KIF1A: variants seen among roughly 807,000 people sequenced by gnomAD.
KIF1A encodes kinesin family member 1A.
Under a neutral mutation model 227.3 loss-of-function variants are expected in KIF1A, and 46 were observed. The observed-to-expected ratio is 0.20, with a 90% confidence interval of 0.16 to 0.26. The LOEUF (loss-of-function observed/expected upper bound fraction) is 0.26, where lower values mean the gene tolerates loss of function less well. Ranked by LOEUF, KIF1A falls within the 10% of genes least tolerant of loss-of-function variation. KIF1A has a pLI of 1.00. For synonymous variants in KIF1A, 1,022 were observed against 1,012.8 expected (o/e 1.01, Z -0.17); for missense variants, 1,683 against 2,485.9 (o/e 0.68, Z 6.87).
At chr2:240,729,986 T>TA (rs1237760848) in intron 38 of KIF1A, among the ~76,000 whole-genome samples, 1 of 152,204 alleles carries the variant, frequency 6.6e-6, no homozygotes, top group Non-Finnish European at 1.5e-5. Context: ...AGGGGAGCTG[T>TA]ACCCTAAATG....
upstream of KIF1A, among the ~76,000 whole-genome samples, chr2:240,820,730 C>G (rs2058661304): frequency 6.6e-6 from 1 of 151,872 alleles, no homozygotes. The surrounding 1 kb of genome is among the most constrained non-coding windows in gnomAD (Gnocchi z 6.2). Context: ...CCGGGTGTAA[C>G]AGGTGCGCGG....
Position 240,726,066 on chromosome 2 carries a change from T to C in KIF1A, c.4123-662A>G, listed in dbSNP as rs559227780. On this transcript the variant is annotated intron_variant, in intron 39 of 48. Coordinates refer to ENST00000498729, the MANE Select transcript of KIF1A (RefSeq NM_001244008.2). The surrounding 1 kb of genome is among the most constrained non-coding windows in gnomAD (Gnocchi z 5.2). The stretch of plus-strand genomic sequence containing the variant: ...CCTGCCCACTGCTCCCCACCCTCCC[T>C]CTCCCTCACTACTATGACCAGCAAG... 6.7e-6 allele frequency: 1 copy of C among 149,022 alleles called. No homozygotes were observed. Among genetic ancestry groups the C allele is most frequent in the East Asian group, 2.0e-4 (1 of 4,920 alleles). 9.2% of individuals were successfully genotyped at this position (149,022 alleles called of 1,614,324 possible).
chr2:240,736,358 T>C lies in KIF1A; in HGVS notation c.4007+705A>G, dbSNP rs1053769067. On this transcript the variant is annotated intron_variant, in intron 38 of 48. Transcript: ENST00000498729. This position sits in a 1 kb window ranked among gnomAD's most constrained non-coding sequence, Gnocchi z 4.7. The stretch of plus-strand genomic sequence containing the variant: ...CCCCGCCTCACTTTCCCCAAGCCCC[T>C]GGAAGGCAGCGTCTGGGACGCAGTG... Among the ~76,000 whole-genome samples the C allele has an allele frequency of 5.9e-5, 9 of 151,888 alleles. No homozygotes were observed. The highest frequency in any genetic ancestry group is 1.0e-4 in the Non-Finnish European group (7 of 67,972).
rs566562159 is a variant in KIF1A, at chr2:240,808,965, C to T, written c.-60-11153G>A. Among the ~76,000 whole-genome samples the T allele has an allele frequency of 2.6e-5, 4 of 151,930 alleles. No homozygotes were observed. In the South Asian group the frequency reaches 6.2e-4, roughly 24 times the overall value. The stretch of plus-strand genomic sequence containing the variant: ...CAGGCTGGTCTTGAACTCCTGACCT[C>T]GTGATCTGCCCGCCTCAGCCTCCCA... On this transcript the variant is annotated intron_variant, in intron 1 of 48. Transcript: ENST00000498729.
chr2:240,725,388 T>G lies in KIF1A; in HGVS notation c.4139A>C (p.Gln1380Pro). The G allele has an allele frequency of 6.2e-7, 1 of 1,612,368 alleles. No homozygotes were observed. The highest frequency in any genetic ancestry group is 8.5e-7 in the Non-Finnish European group (1 of 1,179,718). ...SAYIEMENCT[Q>P]PAVVTKDFCM... ...GAAGTCCTTGGTGACAACAGCCGGC[T>G]GGGTGCAGTTCTCCATCTGAGATAG... The change falls in exon 40 of 49, where the codon CAG becomes CCG. Residue 1380 changes from glutamine to proline, a missense_variant. Physicochemically the swap from Gln to Pro is moderately conservative, Grantham distance 76. This residue lies in a region of KIF1A where 759 missense variants were observed against 1,020.2 expected (regional missense o/e 0.74). Coordinates refer to ENST00000498729, the MANE Select transcript of KIF1A (RefSeq NM_001244008.2). The surrounding 1 kb of genome is among the most constrained non-coding windows in gnomAD (Gnocchi z 5.8).
In KIF1A at chr2:240,737,060, C is replaced by T; in HGVS notation, c.4007+3G>A. 3 of 1,610,048 alleles carry T rather than the reference C, an allele frequency of 1.9e-6. No individual in the cohort carries two copies. The highest frequency in any genetic ancestry group is 1.1e-5 in the South Asian group (1 of 91,000). ...CCCTGTCTCCAGGGAGTCTCCGACT[C>T]ACCGGTCATCTTGGGCTGGGTGGAT... is the stretch of plus-strand genomic sequence containing the variant. On this transcript the variant is annotated splice_donor_region_variant and intron_variant, in intron 38 of 48. Coordinates refer to ENST00000498729, the MANE Select transcript of KIF1A (RefSeq NM_001244008.2).
chr2:240,766,728 C>T lies in KIF1A; in HGVS notation c.1684+187G>A, dbSNP rs1386809449. Among the ~76,000 whole-genome samples the T allele has an allele frequency of 5.0e-5, 6 of 119,858 alleles. No individual in the cohort carries two copies. Among genetic ancestry groups the T allele is most frequent in the African/African-American group, 2.6e-4 (6 of 22,992 alleles). The allele number at this position is 119,858 out of a possible 152,430, so 78.6% of individuals were successfully genotyped here. On this transcript the variant is annotated intron_variant, in intron 19 of 48. Coordinates refer to ENST00000498729, the MANE Select transcript of KIF1A (RefSeq NM_001244008.2). The surrounding 1 kb of genome is among the most constrained non-coding windows in gnomAD (Gnocchi z 5.0). ...TATCTCTCTCTCTCTCCAAATCTCTCTCTCTCTCTCTCTCTCTCTCTCACA... is the reference window on the plus strand; with the variant it reads ...TATCTCTCTCTCTCTCCAAATCTCTTTCTCTCTCTCTCTCTCTCTCTCACA...
At position 240,766,924 on chromosome 2, in the gene KIF1A, C is replaced by T; in HGVS notation, c.1675G>A (p.Gly559Ser). 6.2e-7 allele frequency: 1 copy of T among 1,609,110 alleles called. No homozygotes were observed. The highest frequency in any genetic ancestry group is 1.7e-4 in the Middle Eastern group (1 of 6,054). Residue 559 changes from glycine to serine, a missense_variant, in exon 19 of 49, where the codon GGC (glycine) becomes AGC (serine). Transcript: ENST00000498729. The surrounding 1 kb of genome is among the most constrained non-coding windows in gnomAD (Gnocchi z 5.0). ...HCVFRSDSRGGSEAVVTLEPC... is the reference protein window; with the variant it reads ...HCVFRSDSRGSSEAVVTLEPC... ...GGTAGGGTGGTGATACCTTCGCTGCCTCCCCTGGAGTCGCTCCGGAAGACG... is the reference window on the plus strand; with the variant it reads ...GGTAGGGTGGTGATACCTTCGCTGCTTCCCCTGGAGTCGCTCCGGAAGACG...
At chr2:240,820,831 G>C (rs2058665310), upstream of KIF1A, among the ~76,000 whole-genome samples, 1 of 152,146 alleles carries the variant, frequency 6.6e-6, no homozygotes. The surrounding 1 kb of genome is among the most constrained non-coding windows in gnomAD (Gnocchi z 6.2). Context: ...CCCGCCCGCG[G>C]ACCCGCCGCC....
chr2:240,807,130 G>GTGTATATATA (rs1356399506), intron 1 of KIF1A, among the ~76,000 whole-genome samples: 1 of 119,492 alleles, frequency 8.4e-6, no homozygotes, highest in East Asian at 2.3e-4. Flanking sequence ...GTGTGTGTGT[G>GTGTATATATA]TATATATATA....
At chr2:240,721,667 G>T in intron 44 of KIF1A, 140 bp downstream of exon 44, 2 of 714,278 alleles carry the variant, frequency 2.8e-6, no homozygotes, top group Admixed American at 2.4e-5. Flanking sequence ...TAGGTATGAG[G>T]TGTCCCTCTG....
At chr2:240,764,009 G>A (rs978814679) in intron 20 of KIF1A, among the ~76,000 whole-genome samples, 17 of 152,200 alleles carry the variant, frequency 1.1e-4, no homozygotes, top group African/African-American at 3.9e-4. Flanking sequence ...CATCTGCAGG[G>A]CCCTCCAGGG....
chr2:240,722,574 G>A lies in KIF1A; in HGVS notation c.4547C>T (p.Ala1516Val), dbSNP rs763118603. ...QRPVPEALSP[A>V]FSEDSESHGS... Reference sequence around the variant, plus strand: ...ATGGGACTCAGAGTCCTCGCTGAAGGCCGGGGACAGTGCCTCCGGGACAGG... The same window carrying A: ...ATGGGACTCAGAGTCCTCGCTGAAGACCGGGGACAGTGCCTCCGGGACAGG... Residue 1516 changes from alanine (A) to valine (V), a missense_variant, in exon 43 of 49, where the codon GCC becomes GTC. Ala to Val is a moderately conservative substitution (Grantham distance 64, BLOSUM62 0). Around this residue, in one of 12 missense-constraint regions of KIF1A, gnomAD observed 384 missense variants for 410.1 expected, o/e 0.94. Coordinates refer to ENST00000498729, the MANE Select transcript of KIF1A (RefSeq NM_001244008.2). The A allele has an allele frequency of 1.3e-6, 2 of 1,558,566 alleles. No homozygotes were observed. Among genetic ancestry groups the A allele is most frequent in the African/African-American group, 2.7e-5 (2 of 73,678 alleles).
At chr2:240,777,059 T>C (rs1052793046) in intron 10 of KIF1A, among the ~76,000 whole-genome samples, 1 of 152,212 alleles carries the variant, frequency 6.6e-6, no homozygotes, top group African/African-American at 2.4e-5. Flanking sequence ...TGTTTTTGTT[T>C]TTTGAGACAG....
In KIF1A at chr2:240,747,802, G is replaced by A. The variant is rs186887758; in HGVS notation, c.2978-481C>T. On this transcript the variant is annotated intron_variant, in intron 28 of 48. Transcript: ENST00000498729. ...CTCCACGCAACTCCCCAGGCCTGCCGGTGCATGCGCCCACACTCCCCAGCC... is the reference window on the plus strand; with the variant it reads ...CTCCACGCAACTCCCCAGGCCTGCCAGTGCATGCGCCCACACTCCCCAGCC... Among the ~76,000 whole-genome samples the A allele has an allele frequency of 2.1e-3, 317 of 152,278 alleles. 2 individuals carry two copies. The highest frequency in any genetic ancestry group is 6.9e-3 in the African/African-American group (287 of 41,560).
At chr2:240,800,024 A>C (rs886596235) in intron 1 of KIF1A, among the ~76,000 whole-genome samples, 22 of 152,028 alleles carry the variant, frequency 1.4e-4, no homozygotes, top group African/African-American at 4.8e-4. Context: ...ATCCCCTACC[A>C]GCTATCATAT....
chr2:240,767,351 G>A lies in KIF1A; in HGVS notation c.1498-6C>T, dbSNP rs1421184536. ...AGGTTGACGAGGTGTGGTGTCTGCA[G>A]GGAGACAGGAGGATCATCTCTCTTG... On this transcript the variant is annotated splice_region_variant and splice_polypyrimidine_tract_variant and intron_variant, in intron 17 of 48. Transcript: ENST00000498729. 1 of 1,610,836 alleles carries A rather than the reference G, an allele frequency of 6.2e-7. No homozygotes were observed. The highest frequency in any genetic ancestry group is 8.5e-7 in the Non-Finnish European group (1 of 1,177,424).
At chr2:240,754,352 G>GTGCTCTCC (rs11280942) in intron 27 of KIF1A, among the ~76,000 whole-genome samples, 89,883 of 151,576 alleles carry the variant, frequency 0.59, 27,178 homozygotes, top group African/African-American at 0.71. Context: ...CTAGTGCTGG[G>GTGCTCTCC]TGCTCTCCTC....
chr2:240,757,858 G>A lies in KIF1A; in HGVS notation c.2583-264C>T, dbSNP rs1157589887. On this transcript the variant is annotated intron_variant, in intron 26 of 48. Coordinates refer to ENST00000498729, the MANE Select transcript of KIF1A (RefSeq NM_001244008.2). The surrounding 1 kb of genome is among the most constrained non-coding windows in gnomAD (Gnocchi z 6.2). ...CTGAGAACAGGGGTCTCGGCTGGGA[G>A]TGGCTGAGGCCATATGAGGACCTCG... Among the ~76,000 whole-genome samples, 1 of 152,252 alleles carries A rather than the reference G, an allele frequency of 6.6e-6. No homozygotes were observed. The highest frequency in any genetic ancestry group is 1.5e-5 in the Non-Finnish European group (1 of 68,046).
Sources: allele counts gnomAD v4.1 joint callset (sites outside exome capture counted in the v4.1 genomes callset), GRCh38; gene constraint gnomAD v4.1.1; regional missense constraint gnomAD v4.1.1; non-coding constraint Gnocchi (gnomAD v3.1); transcripts MANE v1.5; gene names NCBI Gene and HGNC (gene_info 2026-07-23, HGNC 2026-07-21).